Variants in SLC35D4 observed in about 807,000 individuals in gnomAD.
SLC35D4 encodes the protein solute carrier family 35 member D4.
At chr18:23,356,759 A>G in the SLC35D4 span, 1 of 1,093,940 alleles carries the variant, frequency 9.1e-7, no homozygotes, top group Non-Finnish European at 1.4e-6. This position sits in a 1 kb window ranked among gnomAD's most constrained non-coding sequence, Gnocchi z 4.1. Context: ...CGTCTTTAGC[A>G]GTCCTGTGCT....
the SLC35D4 span, among the ~76,000 whole-genome samples, chr18:23,371,102 TTTC>T: frequency 0.26 from 38,897 of 147,002 alleles, 5,974 homozygotes; most frequent in Non-Finnish European, 0.35. Context: ...TCTCTCTCTC[TTTC>T]TTTTTTTTTG....
chr18:23,423,788 A>G, the SLC35D4 span, among the ~76,000 whole-genome samples: 1 of 152,204 alleles, frequency 6.6e-6, no homozygotes, highest in African/African-American at 2.4e-5. Context: ...CCCAGAAGGG[A>G]CAAAGGCCCA....
At chr18:23,410,367 C>T in the SLC35D4 span, among the ~76,000 whole-genome samples, 1 of 151,772 alleles carries the variant, frequency 6.6e-6, no homozygotes, top group African/African-American at 2.4e-5. Context: ...GTCCCAGCTA[C>T]TCTGGGAGGC....
chr18:23,418,973 A>C, the SLC35D4 span, among the ~76,000 whole-genome samples: 1 of 151,660 alleles, frequency 6.6e-6, no homozygotes, highest in African/African-American at 2.4e-5. Context: ...GCGCCACTGC[A>C]CTCCAGCCTG....
At chr18:23,413,223 C>T in the SLC35D4 span, among the ~76,000 whole-genome samples, 1 of 152,212 alleles carries the variant, frequency 6.6e-6, no homozygotes, top group South Asian at 2.1e-4. Flanking sequence ...GCTCTCTGAT[C>T]ATGCAGAATC....
chr18:23,270,988 G>A, the SLC35D4 span, among the ~76,000 whole-genome samples: 4 of 152,186 alleles, frequency 2.6e-5, no homozygotes, highest in Admixed American at 2.0e-4. Context: ...ATTTGGGAGG[G>A]GCCGGGGTGG....
At chr18:23,252,910 C>A in the SLC35D4 span, 1 of 1,258,614 alleles carries the variant, frequency 7.9e-7, no homozygotes, top group Non-Finnish European at 1.2e-6. Flanking sequence ...ATAATTATTA[C>A]ATACGACCCT....
At chr18:23,420,953 C>T in the SLC35D4 span, among the ~76,000 whole-genome samples, 1 of 151,860 alleles carries the variant, frequency 6.6e-6, no homozygotes, top group Non-Finnish European at 1.5e-5. Flanking sequence ...TCAAACAAAC[C>T]TCTGTTTTGG....
At chr18:23,324,805 T>C in the SLC35D4 span, among the ~76,000 whole-genome samples, 1 of 152,208 alleles carries the variant, frequency 6.6e-6, no homozygotes, top group African/African-American at 2.4e-5. Context: ...TCTACGCCAC[T>C]GAGTGTAAAC....
the SLC35D4 span, among the ~76,000 whole-genome samples, chr18:23,288,180 C>T: frequency 6.6e-6 from 1 of 152,166 alleles, no homozygotes; most frequent in Non-Finnish European, 1.5e-5. Flanking sequence ...ATCCACCTGA[C>T]GTTCACCCCA....
the SLC35D4 span, among the ~76,000 whole-genome samples, chr18:23,280,415 A>G: frequency 0.13 from 20,338 of 152,208 alleles, 1,585 homozygotes; most frequent in African/African-American, 0.21. Context: ...TCCCTTCCTC[A>G]TGTCCTGTGT....
At chr18:23,251,414 G>A in the SLC35D4 span, among the ~76,000 whole-genome samples, 1 of 152,048 alleles carries the variant, frequency 6.6e-6, no homozygotes, top group African/African-American at 2.4e-5. Context: ...TTGCGCCACT[G>A]TACTCCAGCT....
the SLC35D4 span, among the ~76,000 whole-genome samples, chr18:23,337,763 A>G: frequency 6.6e-5 from 10 of 152,224 alleles, no homozygotes; most frequent in Non-Finnish European, 4.4e-5. Flanking sequence ...GACACATGTC[A>G]ATGTCAACAT....
At chr18:23,348,319 G>A in the SLC35D4 span, among the ~76,000 whole-genome samples, 2 of 152,024 alleles carry the variant, frequency 1.3e-5, no homozygotes, top group African/African-American at 4.8e-5. Flanking sequence ...CAATTGGTGG[G>A]GTGTCACATA....
the SLC35D4 span, among the ~76,000 whole-genome samples, chr18:23,349,465 G>T: frequency 6.6e-6 from 1 of 152,030 alleles, no homozygotes; most frequent in Non-Finnish European, 1.5e-5. Flanking sequence ...CCCCGTCTCT[G>T]CTAAAAATAC....
the SLC35D4 span, among the ~76,000 whole-genome samples, chr18:23,404,390 C>T: frequency 2.0e-5 from 3 of 151,820 alleles, no homozygotes; most frequent in African/African-American, 7.3e-5. Flanking sequence ...TAAAACAGCC[C>T]CAGGCAAGGC....
chr18:23,357,709 T>C, the SLC35D4 span, among the ~76,000 whole-genome samples: 2 of 152,256 alleles, frequency 1.3e-5, no homozygotes, highest in Non-Finnish European at 1.5e-5. Context: ...TCCTATGCTT[T>C]CTTGGAGACC....
At chr18:23,412,634 T>C in the SLC35D4 span, among the ~76,000 whole-genome samples, 1 of 152,322 alleles carries the variant, frequency 6.6e-6, no homozygotes, top group East Asian at 1.9e-4. Flanking sequence ...AGTCCAGCCC[T>C]AATATTTCTT....
At chr18:23,250,138 AG>A in the SLC35D4 span, among the ~76,000 whole-genome samples, 2 of 152,240 alleles carry the variant, frequency 1.3e-5, no homozygotes, top group African/African-American at 4.8e-5. Flanking sequence ...CCCCTCCCAC[AG>A]GCACTTCAAC....
Sources: gnomAD v4.1 joint callset for allele counts (sites outside exome capture counted in the v4.1 genomes callset) on GRCh38, gnomAD v4.1.1 for gene constraint, Gnocchi (gnomAD v3.1) non-coding constraint, MANE v1.5 for transcripts, NCBI Gene and HGNC (gene_info 2026-07-23, HGNC 2026-07-21) for gene names.